The following FHIP1B variants were observed in gnomAD, a reference collection of about 807,000 sequenced individuals.
The protein encoded by FHIP1B is FHF complex subunit HOOK interacting protein 1B, also known as FHF complex subunit HOOK-interacting protein 1B.
FHIP1B carries 28 observed loss-of-function variants against 82.2 expected under a neutral mutation model. That is an observed-to-expected ratio of 0.34 (90% CI 0.25 to 0.47). The LOEUF (loss-of-function observed/expected upper bound fraction) is 0.47. Among genes scored for constraint, FHIP1B ranks in the 20% least tolerant of loss-of-function variants. FHIP1B has a pLI of 1.00. For synonymous variants in FHIP1B, 585 were observed against 516.1 expected (o/e 1.13, Z -1.81); for missense variants, 1,110 against 1,262.6 (o/e 0.88, Z 1.83).
chr11:6,222,612 G>A lies in FHIP1B; in HGVS notation c.1024-3C>T. 6.2e-7 allele frequency: 1 copy of A among 1,613,850 alleles called. No individual in the cohort carries two copies. Among genetic ancestry groups the A allele is most frequent in the Non-Finnish European group, 8.5e-7 (1 of 1,179,826 alleles). ...GCGATCATCTCCTCCACAGAGGTCT[G>A]CACAAAAAGAAGGGAAAGTCTGGAA... On this transcript the variant is annotated splice_region_variant and splice_polypyrimidine_tract_variant and intron_variant, in intron 5 of 11. Coordinates refer to ENST00000449352, the MANE Select transcript of FHIP1B (RefSeq NM_001098794.2).
In FHIP1B at chr11:6,211,672, G is replaced by C; in HGVS notation, c.2753C>G (p.Ala918Gly). ...RGGAPERQGEALRVKNAVYCA... is the reference protein window; with the variant it reads ...RGGAPERQGEGLRVKNAVYCA... The stretch of plus-strand genomic sequence containing the variant: ...GTAGACAGCATTCTTGACTCGAAGA[G>C]CCTCACCTTGGCGTTCAGGGGCCCC... Residue 918 changes from alanine to glycine, a missense_variant, in exon 12 of 12, where the codon GCT becomes GGT. Transcript: ENST00000449352. The C allele has an allele frequency of 6.2e-7, 1 of 1,614,208 alleles. No individual in the cohort carries two copies. Among genetic ancestry groups the C allele is most frequent in the Non-Finnish European group, 8.5e-7 (1 of 1,180,032 alleles).
At chr11:6,215,982 C>T (rs775773686) in intron 9 of FHIP1B, among the ~76,000 whole-genome samples, 18 of 152,244 alleles carry the variant, frequency 1.2e-4, no homozygotes, top group Middle Eastern at 3.4e-3. Flanking sequence ...AGTCCTAAGA[C>T]GCCCCATAAT....
chr11:6,229,956 T>C (rs1847655881), intron 1 of FHIP1B, among the ~76,000 whole-genome samples: 1 of 151,224 alleles, frequency 6.6e-6, no homozygotes. Context: ...CATGGTGTCC[T>C]TTCCTCCCAT....
At chr11:6,218,370 G>A (rs199817433) in intron 8 of FHIP1B, among the ~76,000 whole-genome samples, 106 of 152,214 alleles carry the variant, frequency 7.0e-4, no homozygotes, top group African/African-American at 2.1e-3. Context: ...AAGAGTACAC[G>A]ACTAGAGAGA....
chr11:6,221,415 T>C (rs1329689395), intron 6 of FHIP1B, among the ~76,000 whole-genome samples: 3 of 152,264 alleles, frequency 2.0e-5, no homozygotes, highest in East Asian at 1.9e-4. Context: ...GCAAAATTAA[T>C]GCTTTATTCT....
At chr11:6,233,269 G>A (rs1847747519) in intron 1 of FHIP1B, among the ~76,000 whole-genome samples, 1 of 152,230 alleles carries the variant, frequency 6.6e-6, no homozygotes, top group Non-Finnish European at 1.5e-5. Context: ...GTTAAGGAAA[G>A]ACTTAACTCT....
In FHIP1B at chr11:6,224,138, G is replaced by A. The variant is rs1252491471; in HGVS notation, c.249C>T (p.Asp83=). The change falls in exon 3 of 12, where the codon GAC becomes GAT. Residue 83 remains aspartate, a synonymous_variant. Transcript: ENST00000449352. The stretch of plus-strand genomic sequence containing the variant: ...CTGTGGGGGCCGAGGGAACTGCACG[G>A]TCCTCTGCCAGCAGTGTCAACATCT... ...TYQMLTLLAE[D]RAVPSAPTGP... 1 of 1,614,042 alleles carries A rather than the reference G, an allele frequency of 6.2e-7. No homozygotes were observed. Among genetic ancestry groups the A allele is most frequent in the Non-Finnish European group, 8.5e-7 (1 of 1,180,010 alleles).
chr11:6,233,122 C>T (rs1215056679), intron 1 of FHIP1B, among the ~76,000 whole-genome samples: 1 of 152,140 alleles, frequency 6.6e-6, no homozygotes, highest in African/African-American at 2.4e-5. Flanking sequence ...ATATGGAGGC[C>T]TGTCTGGACT....
rs1431909930 is a variant in FHIP1B, at chr11:6,214,864, T to C, written c.2263A>G (p.Asn755Asp). The change falls in exon 10 of 12, where the codon AAC becomes GAC. Residue 755 changes from asparagine to aspartate, a missense_variant. Around this residue, in one of 6 missense-constraint regions of FHIP1B, gnomAD observed 39 missense variants for 79.6 expected, o/e 0.49. Transcript: ENST00000449352. ...LFAKLENMLQNSVYVNFLLTG... is the reference protein window; with the variant it reads ...LFAKLENMLQDSVYVNFLLTG... Reference sequence around the variant, plus strand: ...AGCAGGAAGTTGACATAGACGGAGTTCTGCAGCATGTTCTCGAGTTTGGCA... The same window carrying C: ...AGCAGGAAGTTGACATAGACGGAGTCCTGCAGCATGTTCTCGAGTTTGGCA... 2 of 1,609,388 alleles carry C rather than the reference T, an allele frequency of 1.2e-6. No individual in the cohort carries two copies. The highest frequency in any genetic ancestry group is 1.7e-6 in the Non-Finnish European group (2 of 1,177,646).
chr11:6,227,730 C>G (rs11040811), intron 1 of FHIP1B, among the ~76,000 whole-genome samples: 1 of 152,080 alleles, frequency 6.6e-6, no homozygotes, highest in East Asian at 1.9e-4. Flanking sequence ...AACAGCAGAT[C>G]ATGAAAGGAG....
rs1423784943 is a variant in FHIP1B at position 6,214,736 on chromosome 11, C to A, written c.2391G>T (p.Leu797=). ...CATGCATGCATGCATCGCACACCTG[C>A]AGCAGGGACTTGACACTGGGCTGGA... ...MVFQPSVKSL[L]QVLGSVKNKI... is the part of the protein sequence containing the mutation. Residue 797 remains leucine (L), a synonymous_variant, in exon 10 of 12, where the codon CTG becomes CTT. Transcript: ENST00000449352. The A allele has an allele frequency of 1.9e-6, 3 of 1,573,904 alleles. No individual in the cohort carries two copies. Among genetic ancestry groups the A allele is most frequent in the Middle Eastern group, 3.4e-4 (2 of 5,858 alleles).
intron 1 of FHIP1B, among the ~76,000 whole-genome samples, chr11:6,225,222 A>C (rs1177497143): frequency 6.6e-6 from 1 of 152,232 alleles, no homozygotes; most frequent in African/African-American, 2.4e-5. Context: ...AGGAGCCTAC[A>C]TAATCTAATC....
intron 1 of FHIP1B, among the ~76,000 whole-genome samples, chr11:6,228,986 T>G (rs1847632377): frequency 6.6e-6 from 1 of 152,242 alleles, no homozygotes; most frequent in Admixed American, 6.5e-5. Flanking sequence ...CCTTGTTGGT[T>G]TCCTTAAACC....
At chr11:6,220,360 G>C (rs1564863653) in intron 6 of FHIP1B, among the ~76,000 whole-genome samples, 1 of 152,054 alleles carries the variant, frequency 6.6e-6, no homozygotes, top group Non-Finnish European at 1.5e-5. Context: ...AAGGAACACA[G>C]ACCCCACCCC....
At position 6,218,956 on chromosome 11, in the gene FHIP1B, T is replaced by G. The variant is rs201798905; in HGVS notation, c.1271+15A>C. On this transcript the variant is annotated intron_variant, in intron 7 of 11. Transcript: ENST00000449352. ...TTCAGGGTCAGCCATCCCTCAGCCCTGCCCCAACAGATACCTGAGAACCAG... is the reference window on the plus strand; with the variant it reads ...TTCAGGGTCAGCCATCCCTCAGCCCGGCCCCAACAGATACCTGAGAACCAG... 5.0e-6 allele frequency: 8 copies of G among 1,613,744 alleles called. No individual in the cohort carries two copies. The East Asian group carries it at 1.8e-4, about 36-fold the overall frequency.
Position 6,217,949 on chromosome 11 carries a change from T to G in FHIP1B, c.1637A>C (p.Glu546Ala). 1 of 1,612,830 alleles carries G rather than the reference T, an allele frequency of 6.2e-7. No homozygotes were observed. ...RRPTPAEEPG[E>A]LEDNYLEYLR... Reference sequence around the variant, plus strand: ...ATACTCCAGGTAATTGTCTTCCAGCTCTCCAGGCTCCTCTGCAGGGGTAGG... The same window carrying G: ...ATACTCCAGGTAATTGTCTTCCAGCGCTCCAGGCTCCTCTGCAGGGGTAGG... Residue 546 changes from glutamate to alanine, a missense_variant, in exon 9 of 12, where the codon GAG becomes GCG. This residue lies in a region of FHIP1B where 418 missense variants were observed against 371.4 expected (regional missense o/e 1.13). Transcript: ENST00000449352.
intron 9 of FHIP1B, chr11:6,216,767 C>CT: frequency 4.4e-6 from 2 of 449,832 alleles, no homozygotes; most frequent in Non-Finnish European, 8.1e-6. Flanking sequence ...TTAAGACAGT[C>CT]TTAGTGCTAG....
Position 6,217,955 on chromosome 11 carries a change from G to C in FHIP1B, c.1631C>G (p.Pro544Arg), listed in dbSNP as rs1304513968. The C allele has an allele frequency of 6.2e-7, 1 of 1,613,138 alleles. No individual in the cohort carries two copies. Among genetic ancestry groups the C allele is most frequent in the South Asian group, 1.1e-5 (1 of 91,086 alleles). ...CAGGTAATTGTCTTCCAGCTCTCCA[G>C]GCTCCTCTGCAGGGGTAGGCCGTCG... ...PGRRPTPAEEPGELEDNYLEY... is the reference protein window; with the variant it reads ...PGRRPTPAEERGELEDNYLEY... The change falls in exon 9 of 12, where the codon CCT becomes CGT. Residue 544 changes from proline (P) to arginine (R), a missense_variant. Around this residue, in one of 6 missense-constraint regions of FHIP1B, gnomAD observed 418 missense variants for 371.4 expected, o/e 1.13. Transcript: ENST00000449352.
intron 1 of FHIP1B, among the ~76,000 whole-genome samples, chr11:6,232,485 C>CT: frequency 6.6e-6 from 1 of 152,332 alleles, no homozygotes. Context: ...CCTTCAGTGT[C>CT]TATTATAAAT....
Sources: allele counts gnomAD v4.1 joint callset (sites outside exome capture counted in the v4.1 genomes callset), GRCh38; gene constraint gnomAD v4.1.1; regional missense constraint gnomAD v4.1.1; transcripts MANE v1.5; gene names NCBI Gene and HGNC (gene_info 2026-07-23, HGNC 2026-07-21).